The following CEP83 variants were observed in gnomAD, a reference collection of about 807,000 sequenced individuals.
CEP83 encodes the protein centrosomal protein of 83 kDa.
Under a neutral mutation model 101.9 loss-of-function variants are expected in CEP83, and 70 were observed. The ratio of observed to expected loss-of-function variants is 0.69; its 90% CI spans 0.57 to 0.84. The LOEUF (loss-of-function observed/expected upper bound fraction) is 0.84. Among genes scored for constraint, CEP83 ranks in the 40% least tolerant of loss-of-function variants. The pLI, the probability that CEP83 is intolerant of heterozygous loss-of-function variation, is 0.00. For missense variants in CEP83, 715 were observed against 787.2 expected, an observed-to-expected ratio of 0.91 and a Z score of 1.10; for synonymous variants, 264 against 267.9, an observed-to-expected ratio of 0.99 and a Z score of 0.14.
At chr12:94,384,883 C>T (rs979185455) in intron 6 of CEP83, among the ~76,000 whole-genome samples, 12 of 152,214 alleles carry the variant, frequency 7.9e-5, no homozygotes. Flanking sequence ...ACCTCTGCAT[C>T]TCAGTGTTGG....
chr12:94,268,880 C>T, the CEP83 span, among the ~76,000 whole-genome samples: 2 of 152,100 alleles, frequency 1.3e-5, no homozygotes, highest in Non-Finnish European at 2.9e-5. Context: ...CAGGTGTGAG[C>T]AACTGCATCC....
intron 14 of CEP83, among the ~76,000 whole-genome samples, chr12:94,322,995 T>A (rs1163488831): frequency 6.6e-6 from 1 of 152,092 alleles, no homozygotes; most frequent in Non-Finnish European, 1.5e-5. Context: ...GTGGCTGCAA[T>A]GAAGGCAATA....
At chr12:94,319,449 T>C (rs1971260486) in intron 14 of CEP83, among the ~76,000 whole-genome samples, 1 of 152,200 alleles carries the variant, frequency 6.6e-6, no homozygotes, top group Non-Finnish European at 1.5e-5. Flanking sequence ...GTCCTCTCAT[T>C]GTTTTAGTTG....
chr12:94,271,472 TG>T, the CEP83 span, among the ~76,000 whole-genome samples: 2 of 152,216 alleles, frequency 1.3e-5, no homozygotes, highest in Admixed American at 6.5e-5. Context: ...GACGGGACGA[TG>T]GGTAAAACCG....
intron 11 of CEP83, among the ~76,000 whole-genome samples, chr12:94,361,829 G>A (rs2060778085): frequency 6.6e-6 from 1 of 152,042 alleles, no homozygotes; most frequent in South Asian, 2.1e-4. Context: ...AGCCTCCAGT[G>A]TAGCTGGGAT....
downstream of CEP83, chr12:94,303,608 C>CT (rs1713354288): frequency 1.7e-6 from 1 of 588,728 alleles, no homozygotes; most frequent in African/African-American, 1.9e-5. Context: ...CATTTAAGGC[C>CT]TACTGCATGA....
At chr12:94,305,198 A>G (rs758529822), downstream of CEP83, 1 of 1,607,238 alleles carries the variant, frequency 6.2e-7, no homozygotes, top group South Asian at 1.1e-5. Flanking sequence ...ATAAACTAGA[A>G]AGAGAACGAG....
chr12:94,409,690 C>T (rs976229216), intron 4 of CEP83, among the ~76,000 whole-genome samples: 1 of 152,078 alleles, frequency 6.6e-6, no homozygotes, highest in Non-Finnish European at 1.5e-5. Context: ...GTTTTGGAGG[C>T]TATTAGTCTG....
the CEP83 span, among the ~76,000 whole-genome samples, chr12:94,278,997 C>A: frequency 1.3e-5 from 2 of 149,294 alleles, no homozygotes; most frequent in African/African-American, 2.5e-5. Context: ...GACTCCATCT[C>A]AAAAAAAAAA....
At chr12:94,404,150 A>C (rs2063409096) in intron 4 of CEP83, among the ~76,000 whole-genome samples, 1 of 152,192 alleles carries the variant, frequency 6.6e-6, no homozygotes, top group African/African-American at 2.4e-5. Context: ...TATCTAAATA[A>C]CTTTATAAAG....
intron 14 of CEP83, among the ~76,000 whole-genome samples, chr12:94,323,034 A>G (rs1267991572): frequency 2.0e-5 from 3 of 152,162 alleles, no homozygotes; most frequent in African/African-American, 7.2e-5. Flanking sequence ...CAAAGATGGC[A>G]GCCCACCCCT....
At chr12:94,301,645 C>A (rs1968478070), downstream of CEP83, among the ~76,000 whole-genome samples, 1 of 152,134 alleles carries the variant, frequency 6.6e-6, no homozygotes, top group Non-Finnish European at 1.5e-5. Flanking sequence ...CTAAACTGAG[C>A]AATATCTGTG....
At chr12:94,413,014 G>A (rs1368428110) in intron 2 of CEP83, among the ~76,000 whole-genome samples, 3 of 151,890 alleles carry the variant, frequency 2.0e-5, no homozygotes, top group South Asian at 2.1e-4. Context: ...CACCACGCTC[G>A]GCTAATTTTT....
chr12:94,271,113 A>G, the CEP83 span, among the ~76,000 whole-genome samples: 1 of 152,358 alleles, frequency 6.6e-6, no homozygotes, highest in South Asian at 2.1e-4. Flanking sequence ...TGGTATAAGA[A>G]CTAGGCTTTT....
chr12:94,417,715 G>A (rs2064388275), intron 2 of CEP83, among the ~76,000 whole-genome samples: 1 of 152,066 alleles, frequency 6.6e-6, no homozygotes, highest in Admixed American at 6.5e-5. Flanking sequence ...TTGAACCCAG[G>A]AGGCAGGGGT....
chr12:94,417,522 C>T (rs752991101), intron 2 of CEP83, among the ~76,000 whole-genome samples: 9 of 152,178 alleles, frequency 5.9e-5, no homozygotes, highest in Non-Finnish European at 1.3e-4. Flanking sequence ...GGCACAGTGG[C>T]TTACACCTGT....
chr12:94,282,114 C>A, the CEP83 span: 1 of 526,696 alleles, frequency 1.9e-6, no homozygotes, highest in Non-Finnish European at 3.3e-6. Context: ...AACATCAGAG[C>A]CCTAAACAAA....
At position 94,411,703 on chromosome 12, in the gene CEP83, T is replaced by C. The variant is rs201068376; in HGVS notation, c.318A>G (p.Lys106=). 1.1e-5 allele frequency: 18 copies of C among 1,597,250 alleles called. No individual in the cohort carries two copies. The highest frequency in any genetic ancestry group is 3.3e-4 in the Middle Eastern group (2 of 6,024). The part of the protein sequence containing the change: ...VEKTKDLEEM[K]LQILTPQKLE... ...CTCAAATATATTTTCTCACCTGCAGTTTCATTTCTTCTAAATCTTTAGTTT... is the reference window on the plus strand; with the variant it reads ...CTCAAATATATTTTCTCACCTGCAGCTTCATTTCTTCTAAATCTTTAGTTT... Residue 106 remains lysine (K), a synonymous_variant, in exon 4 of 17, where the codon AAA becomes AAG. Transcript: ENST00000397809.
chr12:94,428,360 C>T (rs2065366169), intron 2 of CEP83, among the ~76,000 whole-genome samples: 1 of 152,338 alleles, frequency 6.6e-6, no homozygotes, highest in African/African-American at 2.4e-5. Context: ...TTCTTCTTTG[C>T]TCACAGTCCC....
Sources: gnomAD v4.1 joint callset for allele counts (sites outside exome capture counted in the v4.1 genomes callset) on GRCh38, gnomAD v4.1.1 for gene constraint, MANE v1.5 for transcripts, NCBI Gene and HGNC (gene_info 2026-07-23, HGNC 2026-07-21) for gene names.